NHS: variants seen among roughly 807,000 people sequenced by gnomAD.
The protein encoded by NHS is actin remodeling regulator NHS.
In NHS, 5 loss-of-function variants were observed where a neutral mutation model predicts 72.5. That is an observed-to-expected ratio of 0.07 (90% CI 0.04 to 0.14). The LOEUF (loss-of-function observed/expected upper bound fraction) is 0.14. Among genes scored for constraint, NHS ranks in the 10% least tolerant of loss-of-function variants. The pLI is 1.00. For missense variants in NHS, 1,072 were observed against 1,355.7 expected (o/e 0.79, Z 3.29); for synonymous variants, 464 against 547.7 (o/e 0.85, Z 2.13).
At chrX:17,510,304 C>T (rs1469913518) in intron 1 of NHS, among the ~76,000 whole-genome samples, 5 of 112,191 alleles carry the variant, frequency 4.5e-5, no homozygotes, top group Non-Finnish European at 9.4e-5. Context: ...AATTGCCTTG[C>T]TTTCCCTTGG....
intron 3 of NHS, among the ~76,000 whole-genome samples, chrX:17,705,984 T>C (rs1482372584): frequency 9.0e-6 from 1 of 111,355 alleles, no homozygotes; most frequent in Non-Finnish European, 1.9e-5. Flanking sequence ...AGCTCAGGAA[T>C]TTGAGACCAG....
chrX:17,712,286 TATATACAC>T (rs1569315058), intron 3 of NHS, among the ~76,000 whole-genome samples: 2 of 78,423 alleles, frequency 2.6e-5, no homozygotes, highest in African/African-American at 1.0e-4. Flanking sequence ...TATATATATA[TATATACAC>T]ACACACACAC....
rs150357555 is a variant in NHS, at chrX:17,530,635, G to A, written c.565+154313G>A. ...AGACGCACATTAATGTTTCAGAAGC[G>A]CTGGTCCAGGGCAGTGGTTATCAAA... is the stretch of plus-strand genomic sequence containing the variant. On this transcript the variant is annotated intron_variant, in intron 1 of 8. Coordinates refer to ENST00000676302, the MANE Select transcript of NHS (RefSeq NM_001291867.2). Among the ~76,000 whole-genome samples the A allele has an allele frequency of 5.7e-4, 64 of 111,561 alleles. No homozygotes were observed. The East Asian group carries it at 0.015, about 26-fold the overall frequency.
At chrX:17,565,411 T>C (rs950129311) in intron 1 of NHS, among the ~76,000 whole-genome samples, 1 of 112,645 alleles carries the variant, frequency 8.9e-6, no homozygotes, top group African/African-American at 3.2e-5. Context: ...TCATAAATCA[T>C]TGTTGTTTTA....
intron 1 of NHS, among the ~76,000 whole-genome samples, chrX:17,379,896 C>T (rs967444898): frequency 9.0e-6 from 1 of 111,670 alleles, no homozygotes; most frequent in Non-Finnish European, 1.9e-5. Context: ...TATATTTGAG[C>T]CATGTTAAGT....
At chrX:17,581,660 C>T (rs190349046) in intron 1 of NHS, among the ~76,000 whole-genome samples, 26 of 111,714 alleles carry the variant, frequency 2.3e-4, no homozygotes, top group African/African-American at 7.2e-4. Flanking sequence ...TCTGTGGAAT[C>T]GCTTGGAGGA....
intron 1 of NHS, among the ~76,000 whole-genome samples, chrX:17,433,994 C>T (rs2146877831): frequency 8.9e-6 from 1 of 112,195 alleles, no homozygotes; most frequent in East Asian, 2.8e-4. Context: ...TATGGTCACT[C>T]AAGAACCCAG....
At chrX:17,559,009 C>G (rs926572822) in intron 1 of NHS, among the ~76,000 whole-genome samples, 2 of 112,403 alleles carry the variant, frequency 1.8e-5, no homozygotes, top group Non-Finnish European at 3.8e-5. Context: ...AACTCTAATG[C>G]CTTTTTATCT....
In NHS at chrX:17,611,452, C is replaced by A. The variant is rs189991549; in HGVS notation, c.566-76290C>A. Among the ~76,000 whole-genome samples the A allele has an allele frequency of 1.9e-3, 217 of 111,826 alleles. 1 individual carries two copies. The highest frequency in any genetic ancestry group is 2.1e-3 in the Non-Finnish European group (114 of 53,144). On this transcript the variant is annotated intron_variant, in intron 1 of 8. Coordinates refer to ENST00000676302, the MANE Select transcript of NHS (RefSeq NM_001291867.2). ...TAGCTAGTTGAAGGCTTTTAGCCCTCCCCCTACGGAAACATAACATGTGAT... is the reference window on the plus strand; with the variant it reads ...TAGCTAGTTGAAGGCTTTTAGCCCTACCCCTACGGAAACATAACATGTGAT...
intron 1 of NHS, among the ~76,000 whole-genome samples, chrX:17,660,463 A>G (rs1402287325): frequency 8.9e-6 from 1 of 112,272 alleles, no homozygotes; most frequent in Non-Finnish European, 1.9e-5. Context: ...AAGCCAATCT[A>G]TTGGTTCAAA....
chrX:17,732,290 C>G lies in NHS; in HGVS notation c.4782C>G (p.Ala1594=). 8.2e-7 allele frequency: 1 copy of G among 1,212,400 alleles called. No individual in the cohort carries two copies. The highest frequency in any genetic ancestry group is 1.1e-6 in the Non-Finnish European group (1 of 895,649). The stretch of plus-strand genomic sequence containing the variant: ...AAGGCTTTTCCTCGAAGAGCTTTGC[C>G]ACCTCAGCATCAGCAAGGGTTGGAC... The part of the protein sequence containing the change: ...NAEGFSSKSF[A]TSASARVGRS... The change falls in exon 9 of 9, where the codon GCC becomes GCG. Residue 1594 remains alanine, a synonymous_variant. Coordinates refer to ENST00000676302, the MANE Select transcript of NHS (RefSeq NM_001291867.2).
chrX:17,709,021 T>C (rs1365625126), intron 3 of NHS, among the ~76,000 whole-genome samples: 1 of 111,133 alleles, frequency 9.0e-6, no homozygotes, highest in Non-Finnish European at 1.9e-5. Context: ...GATTGCTTTT[T>C]GGTTTAGTAG....
At chrX:17,719,199 A>G in intron 3 of NHS, 145 bp from the exon 4 acceptor site, 2 of 460,923 alleles carry the variant, frequency 4.3e-6, no homozygotes, top group Middle Eastern at 4.8e-4. Context: ...GAAAGAAGGA[A>G]TGAAGGAGGA....
At chrX:17,597,972 CTTTCT>C (rs747470298) in intron 1 of NHS, among the ~76,000 whole-genome samples, 3 of 111,516 alleles carry the variant, frequency 2.7e-5, no homozygotes, top group Non-Finnish European at 5.7e-5. Flanking sequence ...TCTCTCTTCT[CTTTCT>C]TTTCTTTTCC....
chrX:17,416,551 T>A (rs151055425), intron 1 of NHS, among the ~76,000 whole-genome samples: 525 of 112,635 alleles, frequency 4.7e-3, no homozygotes, highest in African/African-American at 0.016. Flanking sequence ...GCTCACTCCA[T>A]CCACTTTGCT....
chrX:17,716,475 TTC>T (rs1353962997), intron 3 of NHS, among the ~76,000 whole-genome samples: 1 of 111,600 alleles, frequency 9.0e-6, no homozygotes, highest in African/African-American at 3.3e-5. Flanking sequence ...AACATGAGTT[TTC>T]TCTCTCATTT....
At chrX:17,456,529 G>A (rs1292392234) in intron 1 of NHS, among the ~76,000 whole-genome samples, 1 of 112,489 alleles carries the variant, frequency 8.9e-6, no homozygotes, top group Admixed American at 9.4e-5. Context: ...ACCAGTTGCA[G>A]CTGGCAGAAG....
At chrX:17,569,639 G>A (rs779811267) in intron 1 of NHS, among the ~76,000 whole-genome samples, 6,419 of 111,719 alleles carry the variant, frequency 0.057, 434 homozygotes, top group African/African-American at 0.19. Flanking sequence ...TCTGATGATA[G>A]TTTCTTTTGC....
chrX:17,557,554 A>G (rs1325480855), intron 1 of NHS, among the ~76,000 whole-genome samples: 1 of 110,389 alleles, frequency 9.1e-6, no homozygotes, highest in Non-Finnish European at 1.9e-5. Flanking sequence ...TGCATAACCA[A>G]TCACCCCAGA....
Sources: gnomAD v4.1 joint callset for allele counts (sites outside exome capture counted in the v4.1 genomes callset) on GRCh38, gnomAD v4.1.1 for gene constraint, MANE v1.5 for transcripts, NCBI Gene and HGNC (gene_info 2026-07-23, HGNC 2026-07-21) for gene names.